Variants in ANK3 observed in about 807,000 individuals in gnomAD.
ANK3 encodes ankyrin 3.
In ANK3, 57 loss-of-function variants were observed where a neutral mutation model predicts 370.9. The ratio of observed to expected loss-of-function variants is 0.15; its 90% CI spans 0.12 to 0.19. The LOEUF is 0.19. Ranked by LOEUF, ANK3 falls within the 10% of genes least tolerant of loss-of-function variation. The pLI, the probability that ANK3 is intolerant of heterozygous loss-of-function variation, is 1.00. For synonymous variants in ANK3, 1,929 were observed against 1,946.3 expected, an observed-to-expected ratio of 0.99 and a Z score of 0.23; for missense variants, 4,439 against 5,302.1, an observed-to-expected ratio of 0.84 and a Z score of 5.06.
intron 2 of ANK3, among the ~76,000 whole-genome samples, chr10:60,512,591 T>G (rs553589903): frequency 8.3e-4 from 127 of 152,254 alleles, no homozygotes; most frequent in African/African-American, 2.8e-3. Context: ...TGGTCCAGGA[T>G]GCTATCAATT....
intron 1 of ANK3, among the ~76,000 whole-genome samples, chr10:60,681,498 C>G (rs1254651071): frequency 6.6e-6 from 1 of 152,220 alleles, no homozygotes; most frequent in African/African-American, 2.4e-5. Context: ...TCTCCCTCCT[C>G]TTTACCTGGC....
chr10:60,359,564 A>G (rs778406427), intron 1 of ANK3, among the ~76,000 whole-genome samples: 17 of 152,222 alleles, frequency 1.1e-4, no homozygotes, highest in Non-Finnish European at 2.2e-4. Context: ...ATTATATTTT[A>G]TTGGTGTGAT....
At chr10:60,390,767 AAC>A (rs2063036831), upstream of ANK3, among the ~76,000 whole-genome samples, 1 of 49,558 alleles carries the variant, frequency 2.0e-5, no homozygotes, top group Non-Finnish European at 4.0e-5. Flanking sequence ...CACACACACA[AAC>A]AACAATTTCA....
intron 2 of ANK3, among the ~76,000 whole-genome samples, chr10:60,482,291 T>C (rs182736775): frequency 2.6e-5 from 4 of 152,318 alleles, no homozygotes; most frequent in Non-Finnish European, 5.9e-5. Context: ...CAGGGGACAC[T>C]GGTGTCCAGA....
intron 2 of ANK3, among the ~76,000 whole-genome samples, chr10:60,520,213 T>C (rs2076317022): frequency 6.6e-6 from 1 of 152,096 alleles, no homozygotes; most frequent in Non-Finnish European, 1.5e-5. Context: ...TTCTCATAAG[T>C]GCGAGCTAAA....
In ANK3 at chr10:60,072,378, A is replaced by C; in HGVS notation, c.8503T>G (p.Cys2835Gly). Residue 2835 changes from cysteine to glycine, a missense_variant, in exon 37 of 44, where the codon TGT becomes GGT. Cys to Gly is a radical substitution (Grantham distance 159). Around this residue, in one of 13 missense-constraint regions of ANK3, gnomAD observed 1,601 missense variants for 1,731.7 expected, o/e 0.92. Transcript: ENST00000280772. ...GTTGCTAAATCTGAGGTTATATGAC[A>C]TGCCAAGTCTTTAGCCTGCTGCTCA... ...FSEQQAKDLA[C>G]HITSDLATRG... The C allele has an allele frequency of 1.2e-6, 2 of 1,613,972 alleles. No homozygotes were observed. The highest frequency in any genetic ancestry group is 1.7e-6 in the Non-Finnish European group (2 of 1,179,982).
intron 2 of ANK3, among the ~76,000 whole-genome samples, chr10:60,443,085 G>T (rs557192443): frequency 2.6e-5 from 4 of 152,280 alleles, no homozygotes; most frequent in Admixed American, 2.6e-4. Flanking sequence ...TAGAGCTCAG[G>T]TCTTAGAGCT....
chr10:60,583,686 G>A (rs1233256201), intron 2 of ANK3, among the ~76,000 whole-genome samples: 2 of 151,820 alleles, frequency 1.3e-5, no homozygotes, highest in South Asian at 2.1e-4. Flanking sequence ...GGGTTCACGC[G>A]ATTCTCCTGC....
At chr10:60,424,514 C>T (rs1449137308) in intron 2 of ANK3, among the ~76,000 whole-genome samples, 1 of 152,000 alleles carries the variant, frequency 6.6e-6, no homozygotes, top group African/African-American at 2.4e-5. Context: ...TTACACCAAA[C>T]ATTTTTGAGC....
rs113542073 is a variant in ANK3, at chr10:60,565,212, A to C, written c.96+49974T>G. ...TTCATAGAACACAATTTTTCCACAG[A>C]TGGTGGAGATGGTTTCAGGATGAAA... On this transcript the variant is annotated intron_variant, in intron 2 of 43. Coordinates refer to the ANK3 transcript ENST00000373827. Among the ~76,000 whole-genome samples, 489 of 152,282 alleles carry C rather than the reference A, an allele frequency of 3.2e-3. 2 individuals carry two copies. Among genetic ancestry groups the C allele is most frequent in the Non-Finnish European group, 5.1e-3 (348 of 68,018 alleles).
At position 60,415,920 on chromosome 10, in the gene ANK3, CCCA is replaced by C. The variant is rs1404249898; in HGVS notation, c.97-136284_97-136282del. Among the ~76,000 whole-genome samples, 319 of 109,728 alleles carry C rather than the reference CCCA, an allele frequency of 2.9e-3. 32 individuals carry two copies. The highest frequency in any genetic ancestry group is 0.011 in the African/African-American group (303 of 28,228). The allele number at this position is 109,728 out of a possible 152,430, so 72.0% of individuals were successfully genotyped here. The stretch of plus-strand genomic sequence containing the variant: ...CATTGTATGGTCTGAATTTGTGCCC[CCCA>C]CCCCCCCGCCATTCATGTGTTGACA... On this transcript the variant is annotated intron_variant, in intron 2 of 43. Coordinates refer to the ANK3 transcript ENST00000373827.
At chr10:60,603,381 G>T (rs1439022846) in intron 2 of ANK3, among the ~76,000 whole-genome samples, 1 of 152,130 alleles carries the variant, frequency 6.6e-6, no homozygotes, top group African/African-American at 2.4e-5. Context: ...ATCATGCAAT[G>T]AAGTGCTAAA....
chr10:60,307,722 AAC>A (rs1164330523), intron 1 of ANK3, among the ~76,000 whole-genome samples: 3 of 152,066 alleles, frequency 2.0e-5, no homozygotes, highest in Non-Finnish European at 4.4e-5. Flanking sequence ...AAATGGTAGA[AAC>A]CACACATGCC....
At chr10:60,604,081 A>G (rs547377970) in intron 2 of ANK3, among the ~76,000 whole-genome samples, 1 of 152,292 alleles carries the variant, frequency 6.6e-6, no homozygotes, top group South Asian at 2.1e-4. Flanking sequence ...TCCTGACCAT[A>G]AAGTTTTAAA....
intron 7 of ANK3, among the ~76,000 whole-genome samples, chr10:60,251,168 T>C: frequency 6.6e-6 from 1 of 152,226 alleles, no homozygotes. Context: ...ATGAAAGCTA[T>C]TAACTAAATT....
At chr10:60,491,908 T>C (rs1346867225) in intron 2 of ANK3, among the ~76,000 whole-genome samples, 1 of 152,148 alleles carries the variant, frequency 6.6e-6, no homozygotes, top group Non-Finnish European at 1.5e-5. Flanking sequence ...TGGCTTAACA[T>C]GTGGAAAGCA....
chr10:60,570,897 T>C (rs760295653), intron 2 of ANK3, among the ~76,000 whole-genome samples: 22 of 152,092 alleles, frequency 1.4e-4, no homozygotes, highest in Admixed American at 3.9e-4. Context: ...AGCTCGATGA[T>C]TTACAACGAA....
chr10:60,183,998 T>G (rs2096265588), intron 17 of ANK3, among the ~76,000 whole-genome samples: 1 of 152,004 alleles, frequency 6.6e-6, no homozygotes, highest in Non-Finnish European at 1.5e-5. Flanking sequence ...AATAGGAACA[T>G]CAAAAGCAAA....
rs893715151 is a variant in ANK3, at chr10:60,086,577, G to T, written c.3748+100C>A. Reference sequence around the variant, plus strand: ...TTCTTTTATTTTCTCTTATAATGTTGGCATGGATATTTCAAAGGTTTTATA... The same window carrying T: ...TTCTTTTATTTTCTCTTATAATGTTTGCATGGATATTTCAAAGGTTTTATA... On this transcript the variant is annotated intron_variant, in intron 30 of 43. Transcript: ENST00000280772. The T allele has an allele frequency of 5.1e-6, 5 of 980,408 alleles. No individual in the cohort carries two copies. In the African/African-American group the frequency reaches 6.7e-5, roughly 13 times the overall value. The allele number at this position is 980,408 out of a possible 1,614,324, so 60.7% of individuals were successfully genotyped here. A position where few individuals can be genotyped will look rare whatever the true frequency, so the allele number is the denominator to read the frequency against.
Sources: allele counts gnomAD v4.1 joint callset (sites outside exome capture counted in the v4.1 genomes callset), GRCh38; gene constraint gnomAD v4.1.1; regional missense constraint gnomAD v4.1.1; transcripts MANE v1.5; gene names NCBI Gene and HGNC (gene_info 2026-07-23, HGNC 2026-07-21).